The following TEX11 variants were observed in gnomAD, a reference collection of about 807,000 sequenced individuals.
TEX11 encodes the protein testis-expressed protein 11.
TEX11 carries 7 observed loss-of-function variants against 84.4 expected under a neutral mutation model. That is an observed-to-expected ratio of 0.08 (90% CI 0.05 to 0.16). TEX11 has a LOEUF of 0.16. Ranked by LOEUF, TEX11 falls within the 10% of genes least tolerant of loss-of-function variation. The pLI, the probability that TEX11 is intolerant of heterozygous loss-of-function variation, is 1.00. For missense variants in TEX11, 551 were observed against 660.5 expected (o/e 0.83, Z 1.82); for synonymous variants, 264 against 222.8 (o/e 1.18, Z -1.64).
intron 9 of TEX11, among the ~76,000 whole-genome samples, chrX:70,772,274 A>G (rs1319280759): frequency 8.9e-6 from 1 of 111,970 alleles, no homozygotes; most frequent in Non-Finnish European, 1.9e-5. Context: ...TCAAGGCCAC[A>G]AAGATAAAAA....
rs1307966753 is a variant in TEX11, at chrX:70,844,054, G to C, written c.525+8980C>G. On this transcript the variant is annotated intron_variant, in intron 7 of 29. Coordinates refer to ENST00000374333, the MANE Select transcript of TEX11 (RefSeq NM_031276.3). The stretch of plus-strand genomic sequence containing the variant: ...CAACCATTGTGGAAGTCAGTGTGGC[G>C]ATTCCTCAGGGATCTAGAACTAGAA... 1.4e-4 allele frequency among the ~76,000 whole-genome samples: 15 copies of C among 110,143 alleles called. No individual in the cohort carries two copies. The Admixed American group carries it at 1.5e-3, about 11-fold the overall frequency.
At chrX:70,889,249 C>A (rs1225392288) in intron 2 of TEX11, among the ~76,000 whole-genome samples, 3 of 110,076 alleles carry the variant, frequency 2.7e-5, no homozygotes, top group African/African-American at 9.9e-5. Flanking sequence ...AACCCCATCT[C>A]TACTAAAAAG....
intron 11 of TEX11, among the ~76,000 whole-genome samples, chrX:70,728,107 T>C (rs2090613472): frequency 8.9e-6 from 1 of 112,923 alleles, no homozygotes; most frequent in African/African-American, 3.2e-5. Flanking sequence ...TTTTCATTAC[T>C]ATACAGCATG....
chrX:70,566,704 A>G (rs2088485979), intron 25 of TEX11, among the ~76,000 whole-genome samples: 2 of 111,632 alleles, frequency 1.8e-5, no homozygotes, highest in Non-Finnish European at 1.9e-5. Flanking sequence ...GCTGGATTAC[A>G]TTTATTGATT....
Position 70,841,475 on chromosome X carries a change from A to G in TEX11, c.526-7882T>C, listed in dbSNP as rs2091443561. ...ATACCAGAATCTCTGGGACACATTC[A>G]AAGCAGTGTGTAGAGGGAAACTTAT... is the stretch of plus-strand genomic sequence containing the variant. On this transcript the variant is annotated intron_variant, in intron 7 of 29. Transcript: ENST00000374333. Among the ~76,000 whole-genome samples the G allele has an allele frequency of 3.6e-5, 4 of 111,220 alleles. No homozygotes were observed. In the South Asian group the frequency reaches 1.6e-3, roughly 43 times the overall value.
chrX:70,648,396 A>T (rs184289578), intron 17 of TEX11, among the ~76,000 whole-genome samples: 1 of 110,403 alleles, frequency 9.1e-6, no homozygotes, highest in East Asian at 2.8e-4. Flanking sequence ...ATGTACCCTG[A>T]AACTTAAAGT....
At chrX:70,539,038 A>ATATATATATATTTTT in intron 28 of TEX11, among the ~76,000 whole-genome samples, 1,018 of 41,157 alleles carry the variant, frequency 0.025, 29 homozygotes, top group East Asian at 0.068. Flanking sequence ...ATATATATAT[A>ATATATATATATTTTT]TTTTTTTTTT....
At chrX:70,580,367 T>C (rs868017838) in intron 25 of TEX11, among the ~76,000 whole-genome samples, 22 of 111,693 alleles carry the variant, frequency 2.0e-4, no homozygotes, top group Middle Eastern at 9.3e-3. Context: ...AAAGAATGAA[T>C]AGACCTAGTG....
intron 20 of TEX11, among the ~76,000 whole-genome samples, chrX:70,620,707 C>T (rs1313808995): frequency 2.7e-5 from 3 of 112,329 alleles, no homozygotes; most frequent in East Asian, 5.5e-4. Flanking sequence ...TCAAGATGCC[C>T]TTCAGTAGGT....
At chrX:70,530,732 T>A (rs915173058) in intron 28 of TEX11, among the ~76,000 whole-genome samples, 1 of 112,079 alleles carries the variant, frequency 8.9e-6, no homozygotes. Flanking sequence ...CTGTCTCAGC[T>A]GTCATCCTTT....
intron 7 of TEX11, among the ~76,000 whole-genome samples, chrX:70,845,265 G>A (rs2091472759): frequency 9.1e-6 from 1 of 110,485 alleles, no homozygotes; most frequent in East Asian, 2.9e-4. Context: ...GAATTCAAGC[G>A]ATTCTCCTGC....
At chrX:70,858,051 G>A (rs1445997816) in intron 5 of TEX11, among the ~76,000 whole-genome samples, 1 of 109,991 alleles carries the variant, frequency 9.1e-6, no homozygotes, top group Non-Finnish European at 1.9e-5. Context: ...TTGGGGATTT[G>A]GAGGGAAGAG....
chrX:70,589,774 G>A (rs764535905), intron 25 of TEX11, among the ~76,000 whole-genome samples: 4 of 111,568 alleles, frequency 3.6e-5, no homozygotes, highest in South Asian at 3.8e-4. Flanking sequence ...CACCCACCTC[G>A]GCCTCCCAAA....
intron 17 of TEX11, among the ~76,000 whole-genome samples, chrX:70,640,419 C>T (rs1363477457): frequency 7.7e-5 from 8 of 104,329 alleles, no homozygotes; most frequent in South Asian, 4.7e-4. Context: ...ATACAGAGAA[C>T]GCCACAAAGA....
chrX:70,534,552 G>A (rs1284900799), intron 28 of TEX11, among the ~76,000 whole-genome samples: 3 of 112,012 alleles, frequency 2.7e-5, no homozygotes, highest in Non-Finnish European at 3.8e-5. Context: ...ACTTGCCTAC[G>A]TGTAATACAA....
chrX:70,720,590 T>A (rs1225030709), intron 13 of TEX11, among the ~76,000 whole-genome samples: 1 of 110,221 alleles, frequency 9.1e-6, no homozygotes, highest in Non-Finnish European at 1.9e-5. Flanking sequence ...AAAGTTGTCA[T>A]CTGTAAGAGA....
chrX:70,544,836 C>CAA (rs140403649), intron 28 of TEX11, among the ~76,000 whole-genome samples: 4,656 of 25,713 alleles, frequency 0.18, 285 homozygotes, highest in Middle Eastern at 0.27. Flanking sequence ...GACTCCATCT[C>CAA]AAAAAAAAAA....
intron 16 of TEX11, among the ~76,000 whole-genome samples, chrX:70,659,123 G>A (rs952824862): frequency 8.9e-6 from 1 of 111,846 alleles, no homozygotes; most frequent in Non-Finnish European, 1.9e-5. Context: ...AAACACATGC[G>A]AAAATCTTCA....
At chrX:70,725,624 G>A (rs1401495937) in intron 11 of TEX11, among the ~76,000 whole-genome samples, 4 of 111,799 alleles carry the variant, frequency 3.6e-5, no homozygotes, top group African/African-American at 1.3e-4. Flanking sequence ...ACAAATCTCA[G>A]GCCATATTCT....
Sources: allele counts gnomAD v4.1 joint callset (sites outside exome capture counted in the v4.1 genomes callset), GRCh38; gene constraint gnomAD v4.1.1; transcripts MANE v1.5; gene names NCBI Gene and HGNC (gene_info 2026-07-23, HGNC 2026-07-21).